The following PEX14 variants were observed in gnomAD, a reference collection of about 807,000 sequenced individuals.
The protein encoded by PEX14 is peroxisomal membrane protein PEX14.
A neutral mutation model predicts 49.5 loss-of-function variants in PEX14; 15 were observed. The observed-to-expected ratio is 0.30, with a 90% confidence interval of 0.20 to 0.47. The LOEUF (loss-of-function observed/expected upper bound fraction) is 0.47. Among genes scored for constraint, PEX14 ranks in the 20% least tolerant of loss-of-function variants. The pLI is 1.00. For missense variants in PEX14, 398 were observed against 494.8 expected (o/e 0.80, Z 1.86); for synonymous variants, 210 against 212.7 (o/e 0.99, Z 0.11).
intron 3 of PEX14, among the ~76,000 whole-genome samples, chr1:10,541,554 G>A (rs1207940599): frequency 6.6e-6 from 1 of 152,258 alleles, no homozygotes; most frequent in Non-Finnish European, 1.5e-5. Flanking sequence ...AGGCAGGGCT[G>A]TGTGGCAGCC....
At position 10,495,750 on chromosome 1, in the gene PEX14, G is replaced by C. The variant is rs1641549301; in HGVS notation, c.84+429G>C. On this transcript the variant is annotated intron_variant, in intron 2 of 8. Transcript: ENST00000356607. This position sits in a 1 kb window ranked among gnomAD's most constrained non-coding sequence, Gnocchi z 4.2. ...AGCGATGGAATTCTGGTTTTGCCTG[G>C]TCAGTAATTGTGTGATTGTCATTCC... Among the ~76,000 whole-genome samples, 1 of 152,188 alleles carries C rather than the reference G, an allele frequency of 6.6e-6. No individual in the cohort carries two copies.
chr1:10,516,384 C>T (rs1327461956), intron 2 of PEX14, among the ~76,000 whole-genome samples: 1 of 152,174 alleles, frequency 6.6e-6, no homozygotes, highest in Non-Finnish European at 1.5e-5. Flanking sequence ...CAAATGTTGT[C>T]CCACTGGGTT....
At chr1:10,583,382 G>A (rs1640384111) in intron 3 of PEX14, among the ~76,000 whole-genome samples, 1 of 133,672 alleles carries the variant, frequency 7.5e-6, no homozygotes, top group African/African-American at 2.8e-5. Flanking sequence ...ATTGCACCCA[G>A]CTTTTTTTTT....
At chr1:10,585,889 C>G (rs1401852458) in intron 3 of PEX14, among the ~76,000 whole-genome samples, 2 of 152,310 alleles carry the variant, frequency 1.3e-5, no homozygotes, top group Admixed American at 6.5e-5. Flanking sequence ...GAGCGAGACT[C>G]CGTCTCAAAA....
intron 5 of PEX14, among the ~76,000 whole-genome samples, chr1:10,622,746 T>C (rs1641630825): frequency 1.3e-5 from 2 of 152,158 alleles, no homozygotes; most frequent in East Asian, 3.8e-4. Context: ...GAAAAGTAAA[T>C]AAAGGAACCA....
intron 3 of PEX14, among the ~76,000 whole-genome samples, chr1:10,552,711 G>A (rs1639370189): frequency 6.6e-6 from 1 of 152,190 alleles, no homozygotes; most frequent in Non-Finnish European, 1.5e-5. Flanking sequence ...CAGATGTGGT[G>A]TGGGTGATAA....
chr1:10,521,504 G>T (rs1380862242), intron 2 of PEX14, among the ~76,000 whole-genome samples: 1 of 152,218 alleles, frequency 6.6e-6, no homozygotes, highest in African/African-American at 2.4e-5. Context: ...CTTTGAAGAT[G>T]AAAAGTGTTA....
chr1:10,526,141 C>T (rs1050289172), intron 2 of PEX14, among the ~76,000 whole-genome samples: 3 of 150,906 alleles, frequency 2.0e-5, no homozygotes, highest in African/African-American at 7.3e-5. Flanking sequence ...AGGATGGTCT[C>T]GATCTCCTGA....
In PEX14 at chr1:10,629,953, C is replaced by T; in HGVS notation, c.1100C>T (p.Pro367Leu). 1 of 1,611,278 alleles carries T rather than the reference C, an allele frequency of 6.2e-7. No individual in the cohort carries two copies. The highest frequency in any genetic ancestry group is 8.5e-7 in the Non-Finnish European group (1 of 1,179,666). ...GAGCAGGTGGAGAAGCTGCGGCGGC[C>T]CGAGGGCGCCAGCAACGAGAGTGAG... ...INEQVEKLRR[P>L]EGASNESERD Residue 367 changes from proline to leucine, a missense_variant, in exon 9 of 9, where the codon CCC (proline) becomes CTC (leucine). Transcript: ENST00000356607. This position sits in a 1 kb window ranked among gnomAD's most constrained non-coding sequence, Gnocchi z 8.5.
At chr1:10,548,613 T>G in intron 3 of PEX14, among the ~76,000 whole-genome samples, 1 of 152,336 alleles carries the variant, frequency 6.6e-6, no homozygotes, top group South Asian at 2.1e-4. Flanking sequence ...TGTAATTGTA[T>G]GAATACGGAG....
chr1:10,495,406 G>T lies in PEX14; in HGVS notation c.84+85G>T. ...AGAAACCTTCTGTTCCTATGGTTCTGCGTCAGTAGTGTCCCTTTAAAAGTA... is the reference window on the plus strand; with the variant it reads ...AGAAACCTTCTGTTCCTATGGTTCTTCGTCAGTAGTGTCCCTTTAAAAGTA... On this transcript the variant is annotated intron_variant, in intron 2 of 8. Coordinates refer to ENST00000356607, the MANE Select transcript of PEX14 (RefSeq NM_004565.3). This position sits in a 1 kb window ranked among gnomAD's most constrained non-coding sequence, Gnocchi z 4.2. The T allele has an allele frequency of 3.6e-6, 4 of 1,100,204 alleles. No homozygotes were observed. Among genetic ancestry groups the T allele is most frequent in the Non-Finnish European group, 5.5e-6 (4 of 730,460 alleles). 68.2% of individuals were successfully genotyped at this position (1,100,204 alleles called of 1,614,324 possible).
At chr1:10,477,396 CTA>C (rs1641215071) in intron 1 of PEX14, among the ~76,000 whole-genome samples, 1 of 152,198 alleles carries the variant, frequency 6.6e-6, no homozygotes, top group Non-Finnish European at 1.5e-5. Flanking sequence ...ATAACAGACT[CTA>C]TGGCTATCTA....
intron 6 of PEX14, 58 bp from the exon 7 acceptor site, chr1:10,624,282 C>G (rs538814390): frequency 7.2e-6 from 8 of 1,109,012 alleles, no homozygotes; most frequent in Admixed American, 5.0e-5. Context: ...GCGGACCGAG[C>G]GAGGGGAACG....
At chr1:10,518,014 A>T (rs1325344128) in intron 2 of PEX14, among the ~76,000 whole-genome samples, 1 of 151,952 alleles carries the variant, frequency 6.6e-6, no homozygotes, top group Non-Finnish European at 1.5e-5. Flanking sequence ...TTACTTTTCC[A>T]TGTGAACCCT....
At chr1:10,507,654 C>T (rs589151) in intron 2 of PEX14, among the ~76,000 whole-genome samples, 61,254 of 152,060 alleles carry the variant, frequency 0.4, 13,974 homozygotes, top group Non-Finnish European at 0.52. Flanking sequence ...CTCTTGCTGG[C>T]GGGGAGAAGG....
intron 3 of PEX14, among the ~76,000 whole-genome samples, chr1:10,599,011 A>G (rs1431945633): frequency 2.0e-5 from 3 of 152,194 alleles, no homozygotes; most frequent in Non-Finnish European, 2.9e-5. Flanking sequence ...GGATAAATTA[A>G]GGAAATTGAA....
At chr1:10,535,001 T>C (rs1432226770) in intron 2 of PEX14, among the ~76,000 whole-genome samples, 1 of 152,248 alleles carries the variant, frequency 6.6e-6, no homozygotes, top group Non-Finnish European at 1.5e-5. Context: ...CAGTACTTTC[T>C]GTTTGACTGC....
At chr1:10,604,350 G>A (rs1450126661) in intron 4 of PEX14, among the ~76,000 whole-genome samples, 2 of 152,188 alleles carry the variant, frequency 1.3e-5, no homozygotes, top group Admixed American at 6.5e-5. Flanking sequence ...GTTGTTGGAC[G>A]TGGCGCCTGT....
rs192335731 is a variant in PEX14 at position 10,565,225 on chromosome 1, T to G, written c.169+28928T>G. On this transcript the variant is annotated intron_variant, in intron 3 of 8. Coordinates refer to ENST00000356607, the MANE Select transcript of PEX14 (RefSeq NM_004565.3). Reference sequence around the variant, plus strand: ...CCTTTTTTTGTATATCTTAAAATATTTTATTGCATGACAGTGAATAATTGA... The same window carrying G: ...CCTTTTTTTGTATATCTTAAAATATGTTATTGCATGACAGTGAATAATTGA... 7.2e-5 allele frequency among the ~76,000 whole-genome samples: 11 copies of G among 152,324 alleles called. 2 individuals are homozygous for G. Among genetic ancestry groups the G allele is most frequent in the African/African-American group, 2.6e-4 (11 of 41,572 alleles).
Sources: gnomAD v4.1 joint callset for allele counts (sites outside exome capture counted in the v4.1 genomes callset) on GRCh38, gnomAD v4.1.1 for gene constraint, Gnocchi (gnomAD v3.1) non-coding constraint, MANE v1.5 for transcripts, NCBI Gene and HGNC (gene_info 2026-07-23, HGNC 2026-07-21) for gene names.